ESRP1: variants seen among roughly 807,000 people sequenced by gnomAD.
ESRP1 encodes RNA-binding motif protein 35A.
A neutral mutation model predicts 81.7 loss-of-function variants in ESRP1; 33 were observed. The observed-to-expected ratio is 0.40, with a 90% CI of 0.31 to 0.54. ESRP1 has a LOEUF of 0.54. Ranked by LOEUF, ESRP1 falls within the 20% of genes least tolerant of loss-of-function variation. ESRP1 has a pLI of 0.41. For synonymous variants in ESRP1, 320 were observed against 303.3 expected (o/e 1.06, Z -0.57); for missense variants, 672 against 833.1 (o/e 0.81, Z 2.38).
At chr8:94,646,580 C>T (rs1313832579) in intron 4 of ESRP1, 1 of 189,200 alleles carries the variant, frequency 5.3e-6, no homozygotes, top group Non-Finnish European at 1.1e-5. Context: ...AACATGAAGA[C>T]TTTAGTGCAG....
chr8:94,667,970 A>G lies in ESRP1; in HGVS notation c.953A>G (p.Gln318Arg). Residue 318 changes from glutamine to arginine, a missense_variant, in exon 10 of 16, where the codon CAG becomes CGG. By Grantham distance (43) the Gln-to-Arg change is conservative (BLOSUM62 1). Coordinates refer to ENST00000433389, the MANE Select transcript of ESRP1 (RefSeq NM_017697.4). ...CTAGGTACTTCCAATGAGGTAGCCCAGTTTCTCTCCAAGGAAAATCAAGTC... is the reference window on the plus strand; with the variant it reads ...CTAGGTACTTCCAATGAGGTAGCCCGGTTTCTCTCCAAGGAAAATCAAGTC... ...IAGGTSNEVA[Q>R]FLSKENQVIV... The G allele has an allele frequency of 6.2e-7, 1 of 1,603,144 alleles. No homozygotes were observed.
chr8:94,680,883 T>C (rs994201554), intron 13 of ESRP1, among the ~76,000 whole-genome samples: 35 of 152,244 alleles, frequency 2.3e-4, no homozygotes, highest in Admixed American at 2.3e-3. Context: ...GAAGCTCTTG[T>C]GTTTTTCTTT....
At chr8:94,662,670 C>G (rs533250878) in intron 6 of ESRP1, 115 bp downstream of exon 6, 4 of 822,462 alleles carry the variant, frequency 4.9e-6, no homozygotes, top group Non-Finnish European at 7.5e-6. Context: ...TGCAGTGGCA[C>G]GATCTCAGCT....
At chr8:94,671,737 T>TG in intron 11 of ESRP1, 66 bp downstream of exon 11, 2 of 1,001,548 alleles carry the variant, frequency 2.0e-6, no homozygotes, top group Non-Finnish European at 2.9e-6. Context: ...ATATCTAATA[T>TG]TAGATATTAG....
At chr8:94,676,613 C>T (rs1808647884) in intron 12 of ESRP1, among the ~76,000 whole-genome samples, 2 of 151,948 alleles carry the variant, frequency 1.3e-5, no homozygotes, top group South Asian at 2.1e-4. Context: ...GATTCTCCTG[C>T]CTCAACCTCC....
At chr8:94,701,625 CAT>C (rs1809844777) in intron 15 of ESRP1, among the ~76,000 whole-genome samples, 1 of 151,108 alleles carries the variant, frequency 6.6e-6, no homozygotes, top group South Asian at 2.1e-4. Flanking sequence ...TTTTTGTCCC[CAT>C]AGAGACAAGG....
At chr8:94,665,476 T>C (rs1395499746) in intron 9 of ESRP1, among the ~76,000 whole-genome samples, 1 of 152,168 alleles carries the variant, frequency 6.6e-6, no homozygotes, top group African/African-American at 2.4e-5. Context: ...TGTATGCATA[T>C]GGAAAGGCTA....
intron 13 of ESRP1, among the ~76,000 whole-genome samples, chr8:94,686,446 C>T (rs531146329): frequency 6.6e-6 from 1 of 152,246 alleles, no homozygotes; most frequent in South Asian, 2.1e-4. Flanking sequence ...TGGAACAGCC[C>T]CTCTAGTATT....
intron 4 of ESRP1, among the ~76,000 whole-genome samples, chr8:94,657,179 C>T (rs1005285233): frequency 1.3e-5 from 2 of 152,216 alleles, no homozygotes; most frequent in African/African-American, 2.4e-5. Context: ...CTGTACCCTT[C>T]CTCATTTCCT....
In ESRP1 at chr8:94,643,296, C is replaced by T; in HGVS notation, c.262-7C>T. The T allele has an allele frequency of 1.9e-6, 3 of 1,575,450 alleles. No individual in the cohort carries two copies. Among genetic ancestry groups the T allele is most frequent in the Non-Finnish European group, 2.6e-6 (3 of 1,144,798 alleles). ...GTTGCATCCCTATGTGTATCTTGTT[C>T]TTGCAGTTTAACCAGTCAGTGAGCA... On this transcript the variant is annotated splice_region_variant and splice_polypyrimidine_tract_variant and intron_variant, in intron 2 of 15. Transcript: ENST00000433389.
In ESRP1 at chr8:94,657,954, G is replaced by A. The variant is rs115099403; in HGVS notation, c.491-4318G>A. On this transcript the variant is annotated intron_variant, in intron 4 of 15. Coordinates refer to ENST00000433389, the MANE Select transcript of ESRP1 (RefSeq NM_017697.4). ...GCGATGGAGTCTTGCTCTGTTACCC[G>A]GGCTGGAGTGCAGCGGCCATGATCT... Among the ~76,000 whole-genome samples the A allele has an allele frequency of 6.1e-3, 928 of 152,164 alleles. 9 individuals are homozygous for A. Among genetic ancestry groups the A allele is most frequent in the African/African-American group, 0.021 (875 of 41,524 alleles).
At chr8:94,691,281 CAAAAA>C (rs1050984587) in intron 13 of ESRP1, among the ~76,000 whole-genome samples, 1 of 151,854 alleles carries the variant, frequency 6.6e-6, no homozygotes, top group African/African-American at 2.4e-5. Flanking sequence ...AACAAACAAA[CAAAAA>C]AACACAAAAA....
At chr8:94,682,928 A>ATT (rs1238740355) in intron 13 of ESRP1, among the ~76,000 whole-genome samples, 377 of 31,580 alleles carry the variant, frequency 0.012, 2 homozygotes, top group Non-Finnish European at 0.016. Flanking sequence ...ATATATATAT[A>ATT]TATATTTTTT....
At chr8:94,683,475 G>A (rs1434842381) in intron 13 of ESRP1, among the ~76,000 whole-genome samples, 1 of 152,166 alleles carries the variant, frequency 6.6e-6, no homozygotes, top group Non-Finnish European at 1.5e-5. Context: ...AATACATGGA[G>A]ATCCCTTGTA....
intron 4 of ESRP1, among the ~76,000 whole-genome samples, chr8:94,657,452 TG>T (rs1818480250): frequency 1.3e-5 from 2 of 149,484 alleles, no homozygotes; most frequent in South Asian, 4.3e-4. Flanking sequence ...TTGAAGAAAC[TG>T]GCCTATTGAG....
chr8:94,698,019 G>A (rs1809674699), intron 15 of ESRP1, among the ~76,000 whole-genome samples: 1 of 152,266 alleles, frequency 6.6e-6, no homozygotes, highest in South Asian at 2.1e-4. Flanking sequence ...CTGACCCTGT[G>A]ATCTGCCCAC....
At chr8:94,701,828 C>T (rs919050697) in intron 15 of ESRP1, among the ~76,000 whole-genome samples, 1 of 152,134 alleles carries the variant, frequency 6.6e-6, no homozygotes, top group Non-Finnish European at 1.5e-5. Context: ...TTGGCTTGTA[C>T]ATGGTAGCTT....
intron 14 of ESRP1, among the ~76,000 whole-genome samples, chr8:94,693,678 G>A (rs182996737): frequency 5.3e-5 from 8 of 152,262 alleles, no homozygotes; most frequent in East Asian, 1.9e-4. Flanking sequence ...AGCTGTTTTC[G>A]GAATAATAGT....
In ESRP1 at chr8:94,665,188, T is replaced by C; in HGVS notation, c.923T>C (p.Ile308Thr). 2 of 1,612,840 alleles carry C rather than the reference T, an allele frequency of 1.2e-6. No homozygotes were observed. The highest frequency in any genetic ancestry group is 1.1e-5 in the South Asian group (1 of 90,690). ...GCAACAGGTGAAGATTTCCTTAAAA[T>C]TGCTGGTGGTAAGTGCCTTTTACAT... The part of the protein sequence containing the change: ...YKATGEDFLK[I>T]AGGTSNEVAQ... Residue 308 changes from isoleucine (I) to threonine (T), a missense_variant, in exon 9 of 16, where the codon ATT becomes ACT. Transcript: ENST00000433389.
Sources: allele counts gnomAD v4.1 joint callset (sites outside exome capture counted in the v4.1 genomes callset), GRCh38; gene constraint gnomAD v4.1.1; transcripts MANE v1.5; gene names NCBI Gene and HGNC (gene_info 2026-07-23, HGNC 2026-07-21).